The following CAPZB variants were observed in gnomAD, a reference collection of about 807,000 sequenced individuals.
The protein encoded by CAPZB is capping actin protein of muscle Z-line subunit beta, also known as F-actin-capping protein subunit beta.
A neutral mutation model predicts 38.1 loss-of-function variants in CAPZB; 2 were observed. That is an observed-to-expected ratio of 0.05 (90% CI 0.02 to 0.17). The LOEUF (loss-of-function observed/expected upper bound fraction) is 0.17. CAPZB is among the 10% of genes least tolerant of loss of function. The pLI is 1.00. For synonymous variants in CAPZB, 107 were observed against 127.4 expected (o/e 0.84, Z 1.08); for missense variants, 161 against 334.2 (o/e 0.48, Z 4.04).
At chr1:19,458,591 G>A (rs2094540727) in intron 1 of CAPZB, among the ~76,000 whole-genome samples, 2 of 152,192 alleles carry the variant, frequency 1.3e-5, no homozygotes, top group Non-Finnish European at 2.9e-5. Flanking sequence ...CCTGACCTCA[G>A]GTGATCCGCT....
chr1:19,465,623 T>C (rs939427766), intron 1 of CAPZB, among the ~76,000 whole-genome samples: 25 of 152,162 alleles, frequency 1.6e-4, no homozygotes, highest in African/African-American at 5.3e-4. Flanking sequence ...GTGTGGTCCA[T>C]TGCTGGGTTC....
Position 19,355,269 on chromosome 1 carries a change from G to A in CAPZB, c.588+1366C>T, listed in dbSNP as rs190669513. 8.8e-3 allele frequency among the ~76,000 whole-genome samples: 1,344 copies of A among 152,250 alleles called. 9 individuals are homozygous for A. Among genetic ancestry groups the A allele is most frequent in the Non-Finnish European group, 0.015 (1,022 of 68,020 alleles). ...AACACTTTGGGAGACCGAGGTGGGC[G>A]GATCACTTGAGGTCAGGAGTTCAAG... On this transcript the variant is annotated intron_variant, in intron 6 of 8. Coordinates refer to ENST00000264202, the MANE Select transcript of CAPZB (RefSeq NM_004930.5).
At chr1:19,484,650 C>T in intron 1 of CAPZB, 1 of 1,164,834 alleles carries the variant, frequency 8.6e-7, no homozygotes, top group Non-Finnish European at 1.1e-6. Context: ...AGAAGGCGCG[C>T]CCCAGGTACA....
chr1:19,379,906 T>G (rs2094164821), intron 3 of CAPZB, among the ~76,000 whole-genome samples: 1 of 152,138 alleles, frequency 6.6e-6, no homozygotes, highest in South Asian at 2.1e-4. Flanking sequence ...TCCTTCACAC[T>G]CTTGGTCTAA....
intron 1 of CAPZB, among the ~76,000 whole-genome samples, chr1:19,432,003 G>T (rs1192002296): frequency 4.4e-4 from 59 of 133,182 alleles, no homozygotes; most frequent in African/African-American, 1.7e-3. Context: ...ACCTGAGGTT[G>T]AGGCTGCCCA....
At chr1:19,373,159 C>T (rs933621728) in intron 4 of CAPZB, among the ~76,000 whole-genome samples, 1 of 152,088 alleles carries the variant, frequency 6.6e-6, no homozygotes, top group Non-Finnish European at 1.5e-5. Context: ...GTGAGAATGC[C>T]GCAGGGACCC....
chr1:19,373,964 C>T (rs6426795), intron 4 of CAPZB, among the ~76,000 whole-genome samples: 151,697 of 152,308 alleles, frequency 1, 75,543 homozygotes, highest in Middle Eastern at 1. Flanking sequence ...CAAAGCACCA[C>T]TAATCTTTTC....
At chr1:19,483,039 G>A (rs938891224) in intron 1 of CAPZB, among the ~76,000 whole-genome samples, 1 of 152,162 alleles carries the variant, frequency 6.6e-6, no homozygotes, top group African/African-American at 2.4e-5. Context: ...CCAACGCCAG[G>A]TGCTGTTCTA....
chr1:19,416,860 C>CAAAAAAAAAAAAAAAAAAAAAAAAAA (rs59789230), intron 2 of CAPZB, among the ~76,000 whole-genome samples: 8 of 69,444 alleles, frequency 1.2e-4, no homozygotes, highest in African/African-American at 4.8e-4. Flanking sequence ...GACCCTGTCT[C>CAAAAAAAAAAAAAAAAAAAAAAAAAA]AAAAAAAAAA....
chr1:19,402,204 A>C (rs2094306757), intron 2 of CAPZB, among the ~76,000 whole-genome samples: 1 of 152,218 alleles, frequency 6.6e-6, no homozygotes, highest in Non-Finnish European at 1.5e-5. Context: ...AGGAATCAAC[A>C]GGAACTGAGA....
intron 1 of CAPZB, among the ~76,000 whole-genome samples, chr1:19,438,370 G>A (rs1037376933): frequency 6.6e-6 from 1 of 152,200 alleles, no homozygotes; most frequent in African/African-American, 2.4e-5. Context: ...GTCAGGGAAA[G>A]GAAATACAGA....
chr1:19,448,116 C>T (rs2094502585), intron 1 of CAPZB, among the ~76,000 whole-genome samples: 1 of 152,212 alleles, frequency 6.6e-6, no homozygotes, highest in South Asian at 2.1e-4. Flanking sequence ...AGCCAGTCAA[C>T]CTATCAGCCA....
At chr1:19,409,379 C>T (rs2094347573) in intron 2 of CAPZB, among the ~76,000 whole-genome samples, 1 of 152,056 alleles carries the variant, frequency 6.6e-6, no homozygotes, top group African/African-American at 2.4e-5. Flanking sequence ...GCAGAAGGAA[C>T]AGTCATCCAT....
At chr1:19,436,066 G>A (rs1308513773) in intron 1 of CAPZB, among the ~76,000 whole-genome samples, 1 of 152,198 alleles carries the variant, frequency 6.6e-6, no homozygotes, top group East Asian at 1.9e-4. Flanking sequence ...ATCTATAAAT[G>A]AGGGTAGTAA....
intron 4 of CAPZB, among the ~76,000 whole-genome samples, chr1:19,369,817 C>T (rs955587067): frequency 1.3e-5 from 2 of 152,222 alleles, no homozygotes; most frequent in African/African-American, 2.4e-5. Flanking sequence ...AAGCATTCTC[C>T]GTTACTCCCC....
At position 19,344,437 on chromosome 1, in the gene CAPZB, G is replaced by A. The variant is rs574426482; in HGVS notation, c.655-3C>T. On this transcript the variant is annotated splice_region_variant and splice_polypyrimidine_tract_variant and intron_variant, in intron 7 of 8. Coordinates refer to ENST00000264202, the MANE Select transcript of CAPZB (RefSeq NM_004930.5). ...CTTCTGATTTTATTTTCCATGTCCT[G>A]GAAGGGAGGTCGGTCAGCGCAGTGG... 7 of 1,613,660 alleles carry A rather than the reference G, an allele frequency of 4.3e-6. No individual in the cohort carries two copies. In the South Asian group the frequency reaches 4.4e-5, roughly 10 times the overall value.
At chr1:19,396,147 G>C (rs937540979) in intron 2 of CAPZB, among the ~76,000 whole-genome samples, 1 of 152,234 alleles carries the variant, frequency 6.6e-6, no homozygotes, top group African/African-American at 2.4e-5. Context: ...GCGGTCTTGA[G>C]CCTCACAGGT....
intron 1 of CAPZB, among the ~76,000 whole-genome samples, chr1:19,458,417 G>A (rs1172957270): frequency 6.6e-6 from 1 of 152,152 alleles, no homozygotes. Flanking sequence ...GCAGTGGTGC[G>A]ATCTCAGCTC....
At chr1:19,477,997 A>C (rs2094612929) in intron 1 of CAPZB, among the ~76,000 whole-genome samples, 1 of 152,262 alleles carries the variant, frequency 6.6e-6, no homozygotes, top group African/African-American at 2.4e-5. Flanking sequence ...TACCGAGCCT[A>C]ACTCAGGAGC....
Sources: allele counts gnomAD v4.1 joint callset (sites outside exome capture counted in the v4.1 genomes callset), GRCh38; gene constraint gnomAD v4.1.1; transcripts MANE v1.5; gene names NCBI Gene and HGNC (gene_info 2026-07-23, HGNC 2026-07-21).